INPP4B: variants seen among roughly 807,000 people sequenced by gnomAD.
INPP4B encodes inositol polyphosphate-4-phosphatase type II B.
Under a neutral mutation model 122.5 loss-of-function variants are expected in INPP4B, and 55 were observed. The ratio of observed to expected loss-of-function variants is 0.45; its 90% CI spans 0.36 to 0.56. The LOEUF (loss-of-function observed/expected upper bound fraction) is 0.56. Among genes scored for constraint, INPP4B ranks in the 20% least tolerant of loss-of-function variants. INPP4B has a pLI of 0.00. For missense variants in INPP4B, 1,000 were observed against 1,097.7 expected (o/e 0.91, Z 1.26); for synonymous variants, 403 against 388.7 (o/e 1.04, Z -0.43).
chr4:142,695,857 G>C (rs970308259), intron 2 of INPP4B, among the ~76,000 whole-genome samples: 2 of 152,276 alleles, frequency 1.3e-5, no homozygotes, highest in East Asian at 1.9e-4. Context: ...CATATTTTAA[G>C]ATGGATATCC....
At chr4:142,492,825 A>G (rs1049077613) in intron 2 of INPP4B, among the ~76,000 whole-genome samples, 1 of 152,214 alleles carries the variant, frequency 6.6e-6, no homozygotes, top group African/African-American at 2.4e-5. Context: ...AGAAATTTGC[A>G]TAAGTAATGA....
chr4:142,341,699 A>G (rs1778749802), intron 7 of INPP4B, among the ~76,000 whole-genome samples: 3 of 152,192 alleles, frequency 2.0e-5, no homozygotes, highest in Admixed American at 2.0e-4. Flanking sequence ...ATTCCATTAC[A>G]TAAGATTCTG....
At chr4:142,387,791 A>G (rs937457215) in intron 7 of INPP4B, among the ~76,000 whole-genome samples, 2 of 152,106 alleles carry the variant, frequency 1.3e-5, no homozygotes, top group African/African-American at 4.8e-5. Flanking sequence ...GTCTTTCTGT[A>G]TTGTTCTATC....
At chr4:142,349,232 A>T (rs1781234743) in intron 7 of INPP4B, among the ~76,000 whole-genome samples, 1 of 152,076 alleles carries the variant, frequency 6.6e-6, no homozygotes, top group Non-Finnish European at 1.5e-5. Context: ...CATTGTCAGC[A>T]TACTTCTTTT....
At chr4:142,739,229 G>A (rs1052103786) in intron 1 of INPP4B, among the ~76,000 whole-genome samples, 2 of 152,010 alleles carry the variant, frequency 1.3e-5, no homozygotes, top group Admixed American at 6.6e-5. Flanking sequence ...CTGTTTTAAC[G>A]AAATTCTAGT....
At position 142,272,685 on chromosome 4, in the gene INPP4B, A is replaced by G. The variant is rs534851369; in HGVS notation, c.504-1911T>C. ...TCATATTCTCATTTGAATATGACAC[A>G]ATAACTTGTCATAAGTCATGGTGCA... is the stretch of plus-strand genomic sequence containing the variant. On this transcript the variant is annotated intron_variant, in intron 9 of 25. Transcript: ENST00000262992. Among the ~76,000 whole-genome samples, 8 of 152,104 alleles carry G rather than the reference A, an allele frequency of 5.3e-5. No individual in the cohort carries two copies. In the East Asian group the frequency reaches 1.5e-3, roughly 29 times the overall value.
At chr4:142,707,135 T>C (rs2053574) in intron 2 of INPP4B, among the ~76,000 whole-genome samples, 9,154 of 152,298 alleles carry the variant, frequency 0.06, 464 homozygotes, top group African/African-American at 0.14. Flanking sequence ...AACTTCACTG[T>C]TATCCTCAAC....
intron 25 of INPP4B, among the ~76,000 whole-genome samples, chr4:142,039,095 T>G (rs1028184917): frequency 6.6e-6 from 1 of 152,172 alleles, no homozygotes; most frequent in Non-Finnish European, 1.5e-5. Flanking sequence ...TTCAGTGACC[T>G]CTAAAATTAC....
intron 1 of INPP4B, among the ~76,000 whole-genome samples, chr4:142,803,822 C>T (rs919857225): frequency 7.2e-5 from 11 of 151,806 alleles, no homozygotes; most frequent in Admixed American, 6.6e-4. Context: ...TTTGGGAGGC[C>T]GAGACAGGCG....
intron 25 of INPP4B, among the ~76,000 whole-genome samples, chr4:142,039,599 A>G (rs1746067014): frequency 6.7e-6 from 1 of 148,238 alleles, no homozygotes; most frequent in Admixed American, 6.7e-5. Context: ...TGCTTTATTA[A>G]AAAAAAAAGG....
At chr4:142,102,413 C>A (rs1284040954) in intron 23 of INPP4B, among the ~76,000 whole-genome samples, 3 of 150,306 alleles carry the variant, frequency 2.0e-5, no homozygotes, top group South Asian at 2.1e-4. Flanking sequence ...TCAGAGAGAA[C>A]CATGGTTGAT....
At chr4:142,198,600 A>C (rs988072597) in intron 14 of INPP4B, among the ~76,000 whole-genome samples, 3 of 148,446 alleles carry the variant, frequency 2.0e-5, no homozygotes, top group Non-Finnish European at 4.5e-5. Context: ...CACTCTGTTC[A>C]TTTTCTTGTT....
At chr4:142,773,065 AAAAT>A (rs1773334279) in intron 1 of INPP4B, among the ~76,000 whole-genome samples, 1 of 152,172 alleles carries the variant, frequency 6.6e-6, no homozygotes, top group African/African-American at 2.4e-5. Flanking sequence ...AAAAATTAAA[AAAAT>A]AAATAAAGAC....
intron 7 of INPP4B, among the ~76,000 whole-genome samples, chr4:142,322,034 A>G (rs1398510657): frequency 2.0e-5 from 3 of 152,320 alleles, no homozygotes; most frequent in South Asian, 4.1e-4. Flanking sequence ...AGCACTGGCA[A>G]TCTCAGAGAG....
intron 2 of INPP4B, among the ~76,000 whole-genome samples, chr4:142,489,068 G>C (rs1821538451): frequency 6.6e-6 from 1 of 151,954 alleles, no homozygotes; most frequent in South Asian, 2.1e-4. Flanking sequence ...TTTTTGTTTA[G>C]ATTGAAGCAT....
At chr4:142,031,016 C>T (rs1164080817) in intron 25 of INPP4B, among the ~76,000 whole-genome samples, 1 of 152,008 alleles carries the variant, frequency 6.6e-6, no homozygotes, top group African/African-American at 2.4e-5. Flanking sequence ...CAGAGTGATA[C>T]CACAGAAAAT....
At chr4:142,239,598 T>C (rs1367004815) in intron 11 of INPP4B, among the ~76,000 whole-genome samples, 1 of 152,166 alleles carries the variant, frequency 6.6e-6, no homozygotes, top group Non-Finnish European at 1.5e-5. Context: ...AAAGTGACAG[T>C]GTTTCAAAGA....
intron 2 of INPP4B, among the ~76,000 whole-genome samples, chr4:142,709,102 G>A (rs910222293): frequency 6.6e-6 from 1 of 152,120 alleles, no homozygotes; most frequent in Non-Finnish European, 1.5e-5. Context: ...TGCCTTGCTG[G>A]GTCTTGGACT....
chr4:142,413,017 G>A (rs1412153451), intron 5 of INPP4B, among the ~76,000 whole-genome samples: 1 of 152,124 alleles, frequency 6.6e-6, no homozygotes, highest in Non-Finnish European at 1.5e-5. Context: ...AAACAAAAAT[G>A]TGTTATGTTC....
Sources: gnomAD v4.1 joint callset for allele counts (sites outside exome capture counted in the v4.1 genomes callset) on GRCh38, gnomAD v4.1.1 for gene constraint, MANE v1.5 for transcripts, NCBI Gene and HGNC (gene_info 2026-07-23, HGNC 2026-07-21) for gene names.